The following PPIP5K2 variants were observed in gnomAD, a reference collection of about 807,000 sequenced individuals.
PPIP5K2 encodes inositol hexakisphosphate and diphosphoinositol-pentakisphosphate kinase 2.
Under a neutral mutation model 154.6 loss-of-function variants are expected in PPIP5K2, and 105 were observed. The ratio of observed to expected loss-of-function variants is 0.68; its 90% CI spans 0.58 to 0.80. The LOEUF (loss-of-function observed/expected upper bound fraction) is 0.80. Among genes scored for constraint, PPIP5K2 ranks in the 30% least tolerant of loss-of-function variants. The pLI is 0.00. For missense variants in PPIP5K2, 992 were observed against 1,504.6 expected (o/e 0.66, Z 5.64); for synonymous variants, 480 against 490.3 (o/e 0.98, Z 0.28).
Position 103,151,441 on chromosome 5 carries a change from A to G in PPIP5K2, c.1028+67A>G. 3.9e-6 allele frequency: 5 copies of G among 1,282,644 alleles called. No homozygotes were observed. In the South Asian group the frequency reaches 6.9e-5, roughly 18 times the overall value. The allele number at this position is 1,282,644 out of a possible 1,614,324, so 79.5% of individuals were successfully genotyped here. On this transcript the variant is annotated intron_variant, in intron 9 of 30. Coordinates refer to ENST00000358359, the MANE Select transcript of PPIP5K2 (RefSeq NM_001276277.3). ...TTATTCAGAAACCAAATAACTGTTAACATTAAATGATCAGGGTTTTTAAGC... is the reference window on the plus strand; with the variant it reads ...TTATTCAGAAACCAAATAACTGTTAGCATTAAATGATCAGGGTTTTTAAGC...
In PPIP5K2 at chr5:103,205,694, C is replaced by CT. The variant is rs1343041314; in HGVS notation, c.*4065dup. On this transcript the variant is annotated 3_prime_UTR_variant, in exon 31 of 31. Coordinates refer to ENST00000358359, the MANE Select transcript of PPIP5K2 (RefSeq NM_001276277.3). ...TTTATTATCAATGGTTTTTACTTTACTTTTTATATAGTATGTGGGTATGTT... is the reference window on the plus strand; with the variant it reads ...TTTATTATCAATGGTTTTTACTTTACTTTTTTATATAGTATGTGGGTATGTT... 6.6e-6 allele frequency: 1 copy of CT among 152,060 alleles called. No homozygotes were observed. The highest frequency in any genetic ancestry group is 1.5e-5 in the Non-Finnish European group (1 of 68,004). 9.4% of individuals were successfully genotyped at this position (152,060 alleles called of 1,614,324 possible).
intron 13 of PPIP5K2, 61 bp from the exon 14 acceptor site, chr5:103,155,848 G>A (rs782162147): frequency 9.5e-7 from 1 of 1,047,934 alleles, no homozygotes; most frequent in Non-Finnish European, 1.5e-6. Context: ...AAGGGAGCAT[G>A]AATATGTGAG....
At position 103,151,414 on chromosome 5, in the gene PPIP5K2, A is replaced by G. The variant is rs781848733; in HGVS notation, c.1028+40A>G. 2.9e-5 allele frequency: 42 copies of G among 1,473,452 alleles called. 1 individual carries two copies. The highest frequency in any genetic ancestry group is 1.2e-4 in the South Asian group (10 of 83,184). The allele number at this position is 1,473,452 out of a possible 1,614,324, so 91.3% of individuals were successfully genotyped here. On this transcript the variant is annotated intron_variant, in intron 9 of 30. Coordinates refer to ENST00000358359, the MANE Select transcript of PPIP5K2 (RefSeq NM_001276277.3). ...ATTTTTCTTTTTACCTTCATATACT[A>G]GTTATTCAGAAACCAAATAACTGTT...
At chr5:103,194,495 G>A (rs985248799) in intron 29 of PPIP5K2, among the ~76,000 whole-genome samples, 22 of 152,016 alleles carry the variant, frequency 1.4e-4, no homozygotes, top group African/African-American at 3.9e-4. Flanking sequence ...GGGCAGGCAC[G>A]GTGGTTCATG....
Position 103,158,251 on chromosome 5 carries a change from C to T in PPIP5K2, c.1553C>T (p.Ala518Val). 2 of 1,614,072 alleles carry T rather than the reference C, an allele frequency of 1.2e-6. No individual in the cohort carries two copies. The highest frequency in any genetic ancestry group is 1.1e-5 in the South Asian group (1 of 91,082). Residue 518 changes from alanine (A) to valine (V), a missense_variant, in exon 15 of 31, where the codon GCA (alanine) becomes GTA (valine). By Grantham distance (64) the Ala-to-Val change is moderately conservative (BLOSUM62 0). Coordinates refer to ENST00000358359, the MANE Select transcript of PPIP5K2 (RefSeq NM_001276277.3). ...AAATGGGGAGGTGAATTAACTCCTG[C>T]AGGCAGGGTCCAGGCTGAAGAACTT... Reference protein sequence around the residue: ...VLKWGGELTPAGRVQAEELGR... With the variant: ...VLKWGGELTPVGRVQAEELGR...
intron 1 of PPIP5K2, among the ~76,000 whole-genome samples, chr5:103,128,901 A>G (rs1790159507): frequency 6.6e-6 from 1 of 152,174 alleles, no homozygotes; most frequent in Non-Finnish European, 1.5e-5. Context: ...AATATTTGTC[A>G]GTGGCTTTTA....
intron 1 of PPIP5K2, among the ~76,000 whole-genome samples, chr5:103,122,864 C>T (rs1169061761): frequency 6.6e-6 from 1 of 152,120 alleles, no homozygotes; most frequent in Non-Finnish European, 1.5e-5. Flanking sequence ...CTAGGTGGGA[C>T]TGATGGATGA....
intron 2 of PPIP5K2, among the ~76,000 whole-genome samples, chr5:103,131,079 C>G (rs1310481312): frequency 6.6e-6 from 1 of 152,098 alleles, no homozygotes; most frequent in East Asian, 1.9e-4. Context: ...CAAACCCTCC[C>G]CAGATTTCAC....
intron 9 of PPIP5K2, among the ~76,000 whole-genome samples, chr5:103,152,012 G>C (rs1794711161): frequency 2.0e-5 from 3 of 151,940 alleles, no homozygotes; most frequent in South Asian, 4.1e-4. Context: ...ATTGGAGCTA[G>C]CTTTTATACT....
rs782376011 is a variant in PPIP5K2 at position 103,184,663 on chromosome 5, C to T, written c.3097-9C>T. On this transcript the variant is annotated splice_polypyrimidine_tract_variant and intron_variant, in intron 25 of 30. Coordinates refer to ENST00000358359, the MANE Select transcript of PPIP5K2 (RefSeq NM_001276277.3). ...CTTTTACTTCATTTATTTTGGATTC[C>T]TTATGCAGGTTGTATCTGAAAATGC... 5 of 1,604,346 alleles carry T rather than the reference C, an allele frequency of 3.1e-6. No homozygotes were observed. The African/African-American group carries it at 4.0e-5, about 13-fold the overall frequency.
chr5:103,175,611 T>G (rs143745077), intron 21 of PPIP5K2, among the ~76,000 whole-genome samples: 2 of 152,068 alleles, frequency 1.3e-5, no homozygotes, highest in African/African-American at 4.8e-5. Context: ...GAAGAGCCAG[T>G]GCCTTGTATT....
chr5:103,147,121 TA>T (rs1213718809), intron 6 of PPIP5K2, among the ~76,000 whole-genome samples: 1 of 151,916 alleles, frequency 6.6e-6, no homozygotes, highest in Non-Finnish European at 1.5e-5. Context: ...TTGACAAAGA[TA>T]AAAAATATTG....
intron 30 of PPIP5K2, among the ~76,000 whole-genome samples, chr5:103,200,148 G>T (rs562463263): frequency 6.6e-6 from 1 of 152,182 alleles, no homozygotes; most frequent in Admixed American, 6.5e-5. Context: ...GTTCCGTGAA[G>T]TGGCTGGCAA....
intron 29 of PPIP5K2, 179 bp from the exon 30 acceptor site, chr5:103,194,721 G>A: frequency 1.7e-6 from 1 of 580,828 alleles, no homozygotes; most frequent in Non-Finnish European, 3.0e-6. Context: ...ATTTGTCTAA[G>A]GCCATAACAG....
chr5:103,154,939 G>C lies in PPIP5K2; in HGVS notation c.1399G>C (p.Glu467Gln). 1 of 1,558,134 alleles carries C rather than the reference G, an allele frequency of 6.4e-7. No individual in the cohort carries two copies. Among genetic ancestry groups the C allele is most frequent in the Non-Finnish European group, 8.7e-7 (1 of 1,153,130 alleles). Reference sequence around the variant, plus strand: ...ACTTGAACAACTTAAGACTGTATTAGAGATGTGAGTATCTTTTTGAAACGC... The same window carrying C: ...ACTTGAACAACTTAAGACTGTATTACAGATGTGAGTATCTTTTTGAAACGC... ...PKLEQLKTVL[E>Q]MYGHFSGINR... Residue 467 changes from glutamate to glutamine, a missense_variant, in exon 13 of 31, where the codon GAG becomes CAG. By Grantham distance (29) the Glu-to-Gln change is conservative. Around this residue, in one of 9 missense-constraint regions of PPIP5K2, gnomAD observed 163 missense variants for 285.2 expected, o/e 0.57. Transcript: ENST00000358359.
At chr5:103,158,381 T>C (rs1795735841) in intron 15 of PPIP5K2, 68 bp downstream of exon 15, 1 of 1,593,936 alleles carries the variant, frequency 6.3e-7, no homozygotes. Context: ...TCATTTGTGA[T>C]GTTATTAAAC....
intron 23 of PPIP5K2, among the ~76,000 whole-genome samples, chr5:103,179,111 G>A (rs1039281300): frequency 2.0e-5 from 3 of 151,874 alleles, no homozygotes; most frequent in Non-Finnish European, 2.9e-5. Context: ...AATAGATTTA[G>A]TGATAGTGGA....
intron 24 of PPIP5K2, among the ~76,000 whole-genome samples, chr5:103,180,442 T>C (rs1474567816): frequency 1.3e-5 from 2 of 152,162 alleles, no homozygotes; most frequent in Admixed American, 6.5e-5. Flanking sequence ...TTCTAGGAAC[T>C]TGAAAAATGA....
chr5:103,147,845 A>T (rs1793989549), intron 6 of PPIP5K2, 86 bp from the exon 7 acceptor site: 1 of 781,650 alleles, frequency 1.3e-6, no homozygotes, highest in Non-Finnish European at 2.1e-6. Flanking sequence ...ATGGAAATAG[A>T]TGGTAAATAA....
Sources: gnomAD v4.1 joint callset for allele counts (sites outside exome capture counted in the v4.1 genomes callset) on GRCh38, gnomAD v4.1.1 for gene constraint, gnomAD v4.1.1 regional missense constraint, MANE v1.5 for transcripts, NCBI Gene and HGNC (gene_info 2026-07-23, HGNC 2026-07-21) for gene names.